The following DKK4 variants were observed in gnomAD, a reference collection of about 807,000 sequenced individuals.
The protein encoded by DKK4 is dickkopf Wnt signaling pathway inhibitor 4.
Under a neutral mutation model 14.5 loss-of-function variants are expected in DKK4, and 15 were observed. The observed-to-expected ratio is 1.03, with a 90% CI of 0.69 to 1.59. The LOEUF is 1.59. Ranked by LOEUF, DKK4 falls within the 40% of genes most tolerant of loss-of-function variation. DKK4 has a pLI of 0.00. For synonymous variants in DKK4, 89 were observed against 105.2 expected, an observed-to-expected ratio of 0.85 and a Z score of 0.94; for missense variants, 272 against 280.3, an observed-to-expected ratio of 0.97 and a Z score of 0.21.
chr8:42,385,570 C>A, the DKK4 span, among the ~76,000 whole-genome samples: 1 of 151,994 alleles, frequency 6.6e-6, no homozygotes, highest in African/African-American at 2.4e-5. Flanking sequence ...TTGGCCCCCC[C>A]ATACCGCCAC....
At chr8:42,375,631 TAGAC>T (rs753734219) in intron 2 of DKK4, 45 bp downstream of exon 2, 16 of 1,609,052 alleles carry the variant, frequency 9.9e-6, no homozygotes, top group Non-Finnish European at 1.4e-5. Context: ...CTATGGGGCT[TAGAC>T]ACTACCTTCG....
At chr8:42,378,596 A>G (rs1417656374), upstream of DKK4, among the ~76,000 whole-genome samples, 2 of 152,098 alleles carry the variant, frequency 1.3e-5, no homozygotes, top group African/African-American at 4.8e-5. Context: ...ATTATGACCA[A>G]GGATAAAGGA....
chr8:42,374,884 G>C lies in DKK4; in HGVS notation c.292C>G (p.Pro98Ala). 2 of 1,614,064 alleles carry C rather than the reference G, an allele frequency of 1.2e-6. No individual in the cohort carries two copies. Among genetic ancestry groups the C allele is most frequent in the East Asian group, 4.5e-5 (2 of 44,874 alleles). ...TCATCAAGCTGCCTTTCTAATATTG[G>C]GGTTGCATCTTCCATCGTAGTACAA... ...DVCTTMEDAT[P>A]ILERQLDEQD... Residue 98 changes from proline (P) to alanine (A), a missense_variant, in exon 3 of 4, where the codon CCA becomes GCA. Pro to Ala is a conservative substitution (Grantham distance 27, BLOSUM62 -1). Coordinates refer to ENST00000220812, the MANE Select transcript of DKK4 (RefSeq NM_014420.3).
chr8:42,388,940 T>C, the DKK4 span, among the ~76,000 whole-genome samples: 1 of 152,250 alleles, frequency 6.6e-6, no homozygotes, highest in African/African-American at 2.4e-5. Flanking sequence ...GCACTATGGT[T>C]ACATTATTTG....
the DKK4 span, among the ~76,000 whole-genome samples, chr8:42,385,289 G>A: frequency 6.6e-6 from 1 of 152,138 alleles, no homozygotes; most frequent in Non-Finnish European, 1.5e-5. Context: ...CTACTCGGGA[G>A]GCTGAGGCGG....
the DKK4 span, among the ~76,000 whole-genome samples, chr8:42,386,589 T>C: frequency 2.2e-4 from 34 of 152,264 alleles, no homozygotes; most frequent in African/African-American, 7.7e-4. Flanking sequence ...CCTCCTGGTC[T>C]CAAGCGATCC....
At chr8:42,383,275 CA>C in the DKK4 span, among the ~76,000 whole-genome samples, 1 of 152,192 alleles carries the variant, frequency 6.6e-6, no homozygotes, top group Non-Finnish European at 1.5e-5. Context: ...AGGGACAGCA[CA>C]GGGGGGATGC....
the DKK4 span, among the ~76,000 whole-genome samples, chr8:42,387,661 A>G: frequency 1.3e-5 from 2 of 152,092 alleles, no homozygotes; most frequent in South Asian, 2.1e-4. Context: ...CGCTCAGCCA[A>G]TGAAAGCCAG....
chr8:42,375,606 C>T, intron 2 of DKK4, 74 bp downstream of exon 2: 1 of 1,574,846 alleles, frequency 6.3e-7, no homozygotes, highest in Admixed American at 1.7e-5. Flanking sequence ...AGTGCCTACC[C>T]TGGAATATTC....
upstream of DKK4, among the ~76,000 whole-genome samples, chr8:42,381,692 C>T (rs962900696): frequency 6.6e-6 from 1 of 152,146 alleles, no homozygotes; most frequent in Admixed American, 6.5e-5. Context: ...ACTTCTTTGT[C>T]TCTACAACTA....
chr8:42,375,019 G>T, intron 2 of DKK4, 106 bp from the exon 3 acceptor site: 1 of 1,120,554 alleles, frequency 8.9e-7, no homozygotes, highest in Non-Finnish European at 1.3e-6. Context: ...TCTGCCTTCA[G>T]TTTATATATA....
upstream of DKK4, among the ~76,000 whole-genome samples, chr8:42,381,554 C>G (rs996759638): frequency 6.6e-6 from 1 of 152,160 alleles, no homozygotes; most frequent in African/African-American, 2.4e-5. Context: ...TGTCTCAGCA[C>G]TGACAGAATG....
chr8:42,388,209 A>C, the DKK4 span, among the ~76,000 whole-genome samples: 11 of 152,052 alleles, frequency 7.2e-5, no homozygotes, highest in African/African-American at 2.4e-4. Context: ...TATAGCTTTT[A>C]AACTCCTTTC....
intron 1 of DKK4, 111 bp downstream of exon 1, chr8:42,376,824 C>A: frequency 1.2e-6 from 1 of 865,988 alleles, no homozygotes. Flanking sequence ...ATTCAATTTA[C>A]CTGCTAGGTA....
At chr8:42,379,400 G>T (rs1354030622), upstream of DKK4, among the ~76,000 whole-genome samples, 121 of 117,926 alleles carry the variant, frequency 1.0e-3, 6 homozygotes, top group Middle Eastern at 0.012. Context: ...GAGAGAGAGA[G>T]AGAGAGAGAG....
At chr8:42,382,813 T>G in the DKK4 span, among the ~76,000 whole-genome samples, 2 of 152,124 alleles carry the variant, frequency 1.3e-5, no homozygotes, top group East Asian at 3.9e-4. Context: ...ATGAAATTTC[T>G]CAAAAAAAAA....
Position 42,375,000 on chromosome 8 carries a change from G to C in DKK4, c.263-87C>G, listed in dbSNP as rs1335721991. On this transcript the variant is annotated intron_variant, in intron 2 of 3. Coordinates refer to ENST00000220812, the MANE Select transcript of DKK4 (RefSeq NM_014420.3). ...TAATTATCCTACTGTTGCATAGTTT[G>C]GCAGCACCTCTGCCTTCAGTTTATA... is the stretch of plus-strand genomic sequence containing the variant. 8.7e-6 allele frequency: 12 copies of C among 1,381,036 alleles called. No individual in the cohort carries two copies. In the Admixed American group the frequency reaches 2.2e-4, roughly 26 times the overall value. The allele number at this position is 1,381,036 out of a possible 1,614,324, so 85.5% of individuals were successfully genotyped here. A position where few individuals can be genotyped will look rare whatever the true frequency, so the allele number is the denominator to read the frequency against.
At chr8:42,380,619 GAGAA>G (rs202069702), upstream of DKK4, among the ~76,000 whole-genome samples, 2,166 of 143,620 alleles carry the variant, frequency 0.015, 39 homozygotes, top group African/African-American at 0.05. Flanking sequence ...GAAAGAAAAA[GAGAA>G]AGAAAGAAAG....
the DKK4 span, among the ~76,000 whole-genome samples, chr8:42,384,468 A>C: frequency 6.6e-6 from 1 of 152,058 alleles, no homozygotes; most frequent in Admixed American, 6.6e-5. Context: ...CTTTAGATTT[A>C]AGTGGTGAAT....
Sources: allele counts gnomAD v4.1 joint callset (sites outside exome capture counted in the v4.1 genomes callset), GRCh38; gene constraint gnomAD v4.1.1; transcripts MANE v1.5; gene names NCBI Gene and HGNC (gene_info 2026-07-23, HGNC 2026-07-21).